Variants in ANKS1B observed in about 807,000 individuals in gnomAD.
ANKS1B encodes ankyrin repeat and sterile alpha motif domain-containing protein 1B.
ANKS1B carries 36 observed loss-of-function variants against 148.3 expected under a neutral mutation model. The ratio of observed to expected loss-of-function variants is 0.24; its 90% confidence interval spans 0.19 to 0.32. The LOEUF is 0.32. Ranked by LOEUF, ANKS1B falls within the 10% of genes least tolerant of loss-of-function variation. The pLI is 1.00. For missense variants in ANKS1B, 1,157 were observed against 1,542.6 expected, an observed-to-expected ratio of 0.75 and a Z score of 4.19; for synonymous variants, 542 against 560.8, an observed-to-expected ratio of 0.97 and a Z score of 0.47.
intron 15 of ANKS1B, among the ~76,000 whole-genome samples, chr12:99,147,716 T>A (rs1054698748): frequency 1.3e-5 from 2 of 152,098 alleles, no homozygotes; most frequent in African/African-American, 2.4e-5. Context: ...TATGGATCTA[T>A]GAGAACCAGG....
chr12:99,661,209 G>A (rs145101654), intron 8 of ANKS1B, among the ~76,000 whole-genome samples: 25 of 152,220 alleles, frequency 1.6e-4, no homozygotes, highest in African/African-American at 5.8e-4. Flanking sequence ...CAAGATAAGC[G>A]TAATCACCCC....
rs2651211 is a variant in ANKS1B, at chr12:99,580,706, T to G, written c.1272+74361A>C. Among the ~76,000 whole-genome samples, 7 of 152,002 alleles carry G rather than the reference T, an allele frequency of 4.6e-5. 1 individual carries two copies. The East Asian group carries it at 1.4e-3, about 29-fold the overall frequency. On this transcript the variant is annotated intron_variant, in intron 9 of 26. Transcript: ENST00000683438. ...AGCACAGTAGGATCACTATAGTTAA[T>G]GATAATTTATTGTATATTTCAAAAT... is the stretch of plus-strand genomic sequence containing the variant.
intron 14 of ANKS1B, among the ~76,000 whole-genome samples, chr12:99,210,202 G>A (rs1467437194): frequency 1.3e-5 from 2 of 152,076 alleles, no homozygotes; most frequent in Non-Finnish European, 2.9e-5. Flanking sequence ...TCAGCCAGAA[G>A]CCCCTCTCCA....
At chr12:99,754,229 G>A (rs2061368826) in intron 8 of ANKS1B, among the ~76,000 whole-genome samples, 1 of 151,970 alleles carries the variant, frequency 6.6e-6, no homozygotes, top group Admixed American at 6.6e-5. Flanking sequence ...AGACAAAACA[G>A]ACTTTAAACT....
At chr12:99,947,497 T>C (rs76257590) in intron 1 of ANKS1B, among the ~76,000 whole-genome samples, 7,872 of 152,092 alleles carry the variant, frequency 0.052, 314 homozygotes, top group Admixed American at 0.098. Flanking sequence ...GAATAAAAAA[T>C]AGAGCAACAA....
At chr12:99,771,674 T>C (rs1419949213) in intron 8 of ANKS1B, among the ~76,000 whole-genome samples, 1 of 152,090 alleles carries the variant, frequency 6.6e-6, no homozygotes, top group African/African-American at 2.4e-5. Context: ...CTTACAGGTA[T>C]TTACTTCAGT....
At chr12:99,376,863 T>C (rs73151132) in intron 12 of ANKS1B, among the ~76,000 whole-genome samples, 18,906 of 152,186 alleles carry the variant, frequency 0.12, 1,238 homozygotes, top group African/African-American at 0.17. Flanking sequence ...AGGAAACTCA[T>C]TCTCCTGAAT....
At chr12:99,644,823 G>A (rs1261961790) in intron 9 of ANKS1B, among the ~76,000 whole-genome samples, 2 of 152,182 alleles carry the variant, frequency 1.3e-5, no homozygotes, top group Non-Finnish European at 2.9e-5. Context: ...CCTTCTGGAG[G>A]CTCACAGGGA....
At chr12:99,905,218 C>A (rs541829864) in intron 1 of ANKS1B, among the ~76,000 whole-genome samples, 1 of 152,160 alleles carries the variant, frequency 6.6e-6, no homozygotes. Flanking sequence ...AGAAAGTGCC[C>A]TGTGGCCATA....
chr12:99,330,999 G>C (rs530845092), intron 12 of ANKS1B, among the ~76,000 whole-genome samples: 3 of 151,998 alleles, frequency 2.0e-5, no homozygotes, highest in Admixed American at 2.0e-4. Context: ...ATTCGAGGGT[G>C]GTTATTTAAA....
chr12:99,468,066 G>A (rs894681968), intron 10 of ANKS1B, among the ~76,000 whole-genome samples: 6 of 152,150 alleles, frequency 3.9e-5, no homozygotes, highest in African/African-American at 9.7e-5. Context: ...AACCAAAACA[G>A]CATGGTACTG....
intron 1 of ANKS1B, among the ~76,000 whole-genome samples, chr12:99,889,700 G>A (rs780416580): frequency 6.6e-6 from 1 of 152,138 alleles, no homozygotes; most frequent in Non-Finnish European, 1.5e-5. Context: ...ATATAAGTTT[G>A]TGCTCACTTT....
chr12:99,148,606 T>A (rs373378941), intron 15 of ANKS1B, among the ~76,000 whole-genome samples: 2 of 152,108 alleles, frequency 1.3e-5, no homozygotes, highest in African/African-American at 4.8e-5. Flanking sequence ...AAATAACAAT[T>A]GGAAAGAACA....
intron 1 of ANKS1B, among the ~76,000 whole-genome samples, chr12:99,937,061 T>C (rs2094794974): frequency 6.6e-6 from 1 of 152,164 alleles, no homozygotes; most frequent in Non-Finnish European, 1.5e-5. Flanking sequence ...TCAGCTTTGT[T>C]GAACCTGTTA....
intron 14 of ANKS1B, among the ~76,000 whole-genome samples, chr12:99,183,385 C>T (rs561645182): frequency 1.4e-4 from 21 of 152,172 alleles, no homozygotes; most frequent in East Asian, 5.8e-4. Flanking sequence ...GGCTCATGCC[C>T]GTAATCCCAG....
chr12:99,510,023 T>C (rs2153025271), intron 9 of ANKS1B, among the ~76,000 whole-genome samples: 1 of 152,110 alleles, frequency 6.6e-6, no homozygotes, highest in Admixed American at 6.6e-5. Context: ...AGCATGTCTG[T>C]TGGCAGCATG....
chr12:99,439,738 G>C (rs760281306), intron 11 of ANKS1B, among the ~76,000 whole-genome samples: 2 of 151,672 alleles, frequency 1.3e-5, no homozygotes, highest in Non-Finnish European at 3.0e-5. Flanking sequence ...CTGTTGGGAA[G>C]CTTTTTATAA....
chr12:99,962,809 G>GATTTT (rs1566093112), intron 1 of ANKS1B, among the ~76,000 whole-genome samples: 1 of 144,802 alleles, frequency 6.9e-6, no homozygotes. Flanking sequence ...GTGATGTTGA[G>GATTTT]CTTTTTTTTT....
At chr12:99,865,517 T>A (rs1469615629) in intron 1 of ANKS1B, among the ~76,000 whole-genome samples, 1 of 151,816 alleles carries the variant, frequency 6.6e-6, no homozygotes, top group Non-Finnish European at 1.5e-5. Flanking sequence ...TGTAAAAGAG[T>A]AGTCAAGAAA....
Sources: allele counts gnomAD v4.1 joint callset (sites outside exome capture counted in the v4.1 genomes callset), GRCh38; gene constraint gnomAD v4.1.1; transcripts MANE v1.5; gene names NCBI Gene and HGNC (gene_info 2026-07-23, HGNC 2026-07-21).